Variants in NEGR1 observed in about 807,000 individuals in gnomAD.
NEGR1 encodes the protein neuronal growth regulator 1, also known as IgLON family member 4.
Under a neutral mutation model 40.9 loss-of-function variants are expected in NEGR1, and 10 were observed. The ratio of observed to expected loss-of-function variants is 0.24; its 90% CI spans 0.15 to 0.42. NEGR1 has a LOEUF of 0.42. Ranked by LOEUF, NEGR1 falls within the 10% of genes least tolerant of loss-of-function variation. NEGR1 has a pLI of 1.00. For synonymous variants in NEGR1, 185 were observed against 166.8 expected, an observed-to-expected ratio of 1.11 and a Z score of -0.84; for missense variants, 352 against 438.9, an observed-to-expected ratio of 0.80 and a Z score of 1.77.
intron 2 of NEGR1, among the ~76,000 whole-genome samples, chr1:71,856,050 C>T (rs1221253130): frequency 6.6e-6 from 1 of 152,014 alleles, no homozygotes; most frequent in East Asian, 1.9e-4. Flanking sequence ...ATCCCATTCC[C>T]ATGAGCCCTT....
intron 1 of NEGR1, among the ~76,000 whole-genome samples, chr1:72,087,843 G>A (rs1372853415): frequency 4.1e-5 from 6 of 146,180 alleles, no homozygotes; most frequent in African/African-American, 1.5e-4. Context: ...AGATCCTCTT[G>A]CCTTGGCCTC....
chr1:71,525,501 A>T (rs1647206500), intron 6 of NEGR1, among the ~76,000 whole-genome samples: 1 of 151,708 alleles, frequency 6.6e-6, no homozygotes, highest in African/African-American at 2.4e-5. Flanking sequence ...TCCAGCTGAA[A>T]TCCTCCTCAC....
chr1:72,130,181 C>T (rs976083331), intron 1 of NEGR1, among the ~76,000 whole-genome samples: 12 of 152,180 alleles, frequency 7.9e-5, no homozygotes, highest in African/African-American at 2.9e-4. Flanking sequence ...TGAGAAAACA[C>T]ACATAATAGC....
chr1:72,111,769 C>T (rs979965890), intron 1 of NEGR1, among the ~76,000 whole-genome samples: 2 of 151,662 alleles, frequency 1.3e-5, no homozygotes, highest in South Asian at 4.2e-4. Context: ...AGAGATTTAC[C>T]GACTTTGCAA....
intron 3 of NEGR1, among the ~76,000 whole-genome samples, chr1:71,740,693 T>C (rs1570281299): frequency 6.6e-6 from 1 of 152,250 alleles, no homozygotes; most frequent in East Asian, 1.9e-4. Context: ...TTGGTTTCTC[T>C]GGAAAACAGC....
At chr1:72,214,158 T>G (rs1280164155) in intron 1 of NEGR1, among the ~76,000 whole-genome samples, 1 of 152,042 alleles carries the variant, frequency 6.6e-6, no homozygotes, top group African/African-American at 2.4e-5. Flanking sequence ...TTCAATAAAA[T>G]TCAACACCCC....
At chr1:72,098,432 T>C (rs1648797139) in intron 1 of NEGR1, among the ~76,000 whole-genome samples, 1 of 152,162 alleles carries the variant, frequency 6.6e-6, no homozygotes, top group African/African-American at 2.4e-5. Context: ...AGGCTGTTTT[T>C]TAAAAATCAT....
At chr1:72,017,018 C>G (rs1646716459) in intron 1 of NEGR1, among the ~76,000 whole-genome samples, 1 of 152,010 alleles carries the variant, frequency 6.6e-6, no homozygotes. Context: ...TTAATTTTTA[C>G]TGTATAATTT....
Position 72,254,357 on chromosome 1 carries a change from G to A in NEGR1, c.176+27962C>T, listed in dbSNP as rs142361130. ...AGTCAAGTTAAAGTTCTGGAAGATC[G>A]TTGTGCTTTCAAAAATGACACCATC... On this transcript the variant is annotated intron_variant, in intron 1 of 6. Transcript: ENST00000357731. 5.1e-3 allele frequency among the ~76,000 whole-genome samples: 782 copies of A among 152,180 alleles called. 5 individuals carry two copies. Among genetic ancestry groups the A allele is most frequent in the African/African-American group, 0.018 (744 of 41,504 alleles).
intron 6 of NEGR1, among the ~76,000 whole-genome samples, chr1:71,503,958 A>G (rs1557548470): frequency 6.6e-6 from 1 of 151,234 alleles, no homozygotes; most frequent in Non-Finnish European, 1.5e-5. Flanking sequence ...CCCAGGGATC[A>G]GGCCCAAATG....
intron 1 of NEGR1, among the ~76,000 whole-genome samples, chr1:72,236,205 T>A (rs1654539232): frequency 6.6e-6 from 1 of 151,882 alleles, no homozygotes; most frequent in Non-Finnish European, 1.5e-5. Context: ...CACCACATAT[T>A]CTCACTCATT....
At chr1:71,599,273 G>A (rs1452248271) in intron 5 of NEGR1, among the ~76,000 whole-genome samples, 1 of 152,114 alleles carries the variant, frequency 6.6e-6, no homozygotes. Context: ...TCAGTTGGCA[G>A]AAAAATATTA....
chr1:71,548,295 C>A (rs550848271), intron 6 of NEGR1, among the ~76,000 whole-genome samples: 1 of 151,800 alleles, frequency 6.6e-6, no homozygotes, highest in South Asian at 2.1e-4. Context: ...GCTCAGGGAT[C>A]CTTTCTGTAG....
At chr1:72,122,777 A>G (rs1017558615) in intron 1 of NEGR1, among the ~76,000 whole-genome samples, 2 of 151,940 alleles carry the variant, frequency 1.3e-5, no homozygotes, top group African/African-American at 2.4e-5. Flanking sequence ...CAAAAAACAA[A>G]TATTTATCAC....
At chr1:72,149,704 G>A (rs1462249768) in intron 1 of NEGR1, among the ~76,000 whole-genome samples, 6 of 151,690 alleles carry the variant, frequency 4.0e-5, no homozygotes, top group Non-Finnish European at 7.4e-5. Flanking sequence ...CCAACGTGGA[G>A]AAACCCCACC....
chr1:71,620,718 T>C (rs1207203252), intron 4 of NEGR1, among the ~76,000 whole-genome samples: 2 of 151,998 alleles, frequency 1.3e-5, no homozygotes, highest in Non-Finnish European at 2.9e-5. Flanking sequence ...TCACATTGAA[T>C]TAAGCCTCTG....
intron 2 of NEGR1, among the ~76,000 whole-genome samples, chr1:71,884,253 T>C (rs1357194073): frequency 6.6e-6 from 1 of 152,134 alleles, no homozygotes; most frequent in Non-Finnish European, 1.5e-5. Flanking sequence ...TCAAGAGTGA[T>C]ATTTTGCCTC....
intron 4 of NEGR1, among the ~76,000 whole-genome samples, chr1:71,673,946 C>CT (rs1375238355): frequency 6.6e-6 from 1 of 151,870 alleles, no homozygotes; most frequent in East Asian, 1.9e-4. Flanking sequence ...CATTTTTGTA[C>CT]TTTTTTGAAT....
intron 2 of NEGR1, among the ~76,000 whole-genome samples, chr1:71,908,258 G>A (rs186016607): frequency 3.7e-4 from 56 of 151,298 alleles, no homozygotes; most frequent in Non-Finnish European, 7.4e-4. Context: ...TCAGCAAAGA[G>A]GAATGTTCTA....
Sources: allele counts gnomAD v4.1 joint callset (sites outside exome capture counted in the v4.1 genomes callset), GRCh38; gene constraint gnomAD v4.1.1; transcripts MANE v1.5; gene names NCBI Gene and HGNC (gene_info 2026-07-23, HGNC 2026-07-21).